RFX8: variants seen among roughly 807,000 people sequenced by gnomAD.
RFX8 encodes the protein DNA-binding protein RFX8.
In RFX8, 46 loss-of-function variants were observed where a neutral mutation model predicts 54.6. The ratio of observed to expected loss-of-function variants is 0.84; its 90% CI spans 0.67 to 1.08. The LOEUF (loss-of-function observed/expected upper bound fraction) is 1.08. Among genes scored for constraint, RFX8 ranks in the 50% least tolerant of loss-of-function variants. The probability of loss-of-function intolerance (pLI) is 0.00; values close to 1 mark genes in which losing one functional copy is unlikely to be tolerated. For synonymous variants in RFX8, 192 were observed against 209.5 expected, an observed-to-expected ratio of 0.92 and a Z score of 0.72; for missense variants, 536 against 562.3, an observed-to-expected ratio of 0.95 and a Z score of 0.47.
chr2:101,447,524 A>C (rs1395947188), intron 2 of RFX8, among the ~76,000 whole-genome samples: 1 of 152,190 alleles, frequency 6.6e-6, no homozygotes. Context: ...GTATACATTT[A>C]TGGGGTACAT....
At chr2:101,435,925 C>T (rs1284875399) in intron 2 of RFX8, among the ~76,000 whole-genome samples, 1 of 152,202 alleles carries the variant, frequency 6.6e-6, no homozygotes, top group Non-Finnish European at 1.5e-5. Flanking sequence ...TTTTTCAGCA[C>T]GATTCACCAC....
intron 10 of RFX8, 114 bp downstream of exon 10, chr2:101,405,829 T>G: frequency 1.7e-6 from 1 of 577,906 alleles, no homozygotes; most frequent in East Asian, 3.1e-5. Context: ...ATATTTTACA[T>G]AGAAAGGTTA....
chr2:101,444,265 C>G (rs1188374686), intron 2 of RFX8, among the ~76,000 whole-genome samples: 3 of 152,228 alleles, frequency 2.0e-5, no homozygotes, highest in Non-Finnish European at 4.4e-5. Flanking sequence ...TCAGAAATCT[C>G]AGCAGTGCCA....
chr2:101,409,432 T>C (rs1685956028), intron 9 of RFX8, among the ~76,000 whole-genome samples: 1 of 151,964 alleles, frequency 6.6e-6, no homozygotes. Context: ...TTCACCGTGT[T>C]AGCCAGAATG....
chr2:101,405,937 A>T lies in RFX8; in HGVS notation c.928+6T>A, dbSNP rs764969819. The T allele has an allele frequency of 5.8e-5, 86 of 1,494,254 alleles. No individual in the cohort carries two copies. Among genetic ancestry groups the T allele is most frequent in the Non-Finnish European group, 7.5e-5 (83 of 1,108,490 alleles). 92.6% of individuals were successfully genotyped at this position (1,494,254 alleles called of 1,614,324 possible). A position where few individuals can be genotyped will look rare whatever the true frequency, so the allele number is the denominator to read the frequency against. The stretch of plus-strand genomic sequence containing the variant: ...ATACAAAATACTTTCTTATTCTCTG[A>T]CTTACCAAAACTATCTCTGTGGCAG... On this transcript the variant is annotated splice_donor_region_variant and intron_variant, in intron 10 of 11. Transcript: ENST00000428343.
intron 5 of RFX8, among the ~76,000 whole-genome samples, 173 bp downstream of exon 5, chr2:101,418,678 A>G (rs1370057603): frequency 6.6e-6 from 1 of 152,232 alleles, no homozygotes; most frequent in Non-Finnish European, 1.5e-5. Flanking sequence ...GGTAATTCAC[A>G]AAGGAAAACT....
chr2:101,410,391 T>TC (rs878949936), intron 9 of RFX8, among the ~76,000 whole-genome samples: 298 of 119,618 alleles, frequency 2.5e-3, no homozygotes, highest in African/African-American at 8.3e-3. Context: ...ATGCCCACAC[T>TC]CACACACACA....
At chr2:101,410,479 C>T (rs1295128044) in intron 9 of RFX8, 140 bp downstream of exon 9, 8 of 614,646 alleles carry the variant, frequency 1.3e-5, no homozygotes, top group South Asian at 4.1e-5. Flanking sequence ...GAGGCCATCC[C>T]CTGCCCTCAC....
rs770838551 is a variant in RFX8, at chr2:101,474,968, G to A, written c.-385C>T. Among the ~76,000 whole-genome samples, 3 of 152,200 alleles carry A rather than the reference G, an allele frequency of 2.0e-5. No homozygotes were observed. Among genetic ancestry groups the A allele is most frequent in the Non-Finnish European group, 4.4e-5 (3 of 68,038 alleles). The stretch of plus-strand genomic sequence containing the variant: ...TGGTCCCAGGTGACTCCAGTGTGCT[G>A]CTCCAGGTGAGCAGTGCCACCTCAA... On this transcript the variant is annotated 5_prime_UTR_variant, in exon 1 of 12. Coordinates refer to ENST00000428343, the MANE Select transcript of RFX8 (RefSeq NM_001145664.2).
chr2:101,398,534 G>A (rs1178103164), intron 11 of RFX8, among the ~76,000 whole-genome samples: 4 of 152,038 alleles, frequency 2.6e-5, no homozygotes, highest in East Asian at 1.9e-4. Context: ...TCCCCCATCC[G>A]TCAAATAAAC....
At chr2:101,453,817 C>G (rs1688825483) in intron 2 of RFX8, among the ~76,000 whole-genome samples, 1 of 152,126 alleles carries the variant, frequency 6.6e-6, no homozygotes, top group Admixed American at 6.5e-5. Context: ...ATTGGGCTCA[C>G]AGGTTGGCAT....
chr2:101,474,539 G>A (rs1690205914), intron 1 of RFX8, 97 bp downstream of exon 1: 3 of 311,480 alleles, frequency 9.6e-6, no homozygotes, highest in Non-Finnish European at 1.8e-5. Context: ...TGCATCCTGC[G>A]GTGTGGGCTG....
At chr2:101,453,208 T>C (rs6744272) in intron 2 of RFX8, among the ~76,000 whole-genome samples, 15,381 of 107,758 alleles carry the variant, frequency 0.14, 1,196 homozygotes, top group African/African-American at 0.18. Flanking sequence ...ACCAAGGAGG[T>C]GGAGGTTGCA....
chr2:101,404,374 T>C (rs762348472), intron 10 of RFX8, among the ~76,000 whole-genome samples: 1 of 152,172 alleles, frequency 6.6e-6, no homozygotes, highest in Non-Finnish European at 1.5e-5. Flanking sequence ...GTGAATACAT[T>C]GATTTCATAT....
chr2:101,468,424 T>C (rs1689703433), intron 1 of RFX8, among the ~76,000 whole-genome samples: 1 of 152,168 alleles, frequency 6.6e-6, no homozygotes, highest in African/African-American at 2.4e-5. Context: ...TCCCTGTGTG[T>C]CCGTATCTCT....
chr2:101,432,763 T>C (rs985768536), intron 2 of RFX8, among the ~76,000 whole-genome samples: 1 of 152,298 alleles, frequency 6.6e-6, no homozygotes, highest in Non-Finnish European at 1.5e-5. Context: ...GCTGGCCTTG[T>C]TGTGAAGGAA....
chr2:101,455,436 T>C (rs1573467335), intron 2 of RFX8, among the ~76,000 whole-genome samples: 1 of 152,316 alleles, frequency 6.6e-6, no homozygotes, highest in South Asian at 2.1e-4. Flanking sequence ...CTACATATGG[T>C]TAGCCAGTTT....
chr2:101,450,156 A>G (rs1263494653), intron 2 of RFX8, among the ~76,000 whole-genome samples: 2 of 152,218 alleles, frequency 1.3e-5, no homozygotes, highest in African/African-American at 4.8e-5. Context: ...ACTTAAAGAC[A>G]GAACAACCAA....
chr2:101,474,305 C>A (rs992171300), intron 1 of RFX8: 6 of 475,454 alleles, frequency 1.3e-5, no homozygotes, highest in Non-Finnish European at 1.5e-5. Flanking sequence ...AGCACCGAGG[C>A]AGGCAGCGAG....
Sources: allele counts gnomAD v4.1 joint callset (sites outside exome capture counted in the v4.1 genomes callset), GRCh38; gene constraint gnomAD v4.1.1; transcripts MANE v1.5; gene names NCBI Gene and HGNC (gene_info 2026-07-23, HGNC 2026-07-21).